The following WBP4 variants were observed in gnomAD, a reference collection of about 807,000 sequenced individuals.
WBP4 encodes the protein WW domain-binding protein 4.
In WBP4, 37 loss-of-function variants were observed where a neutral mutation model predicts 55.4. The ratio of observed to expected loss-of-function variants is 0.67; its 90% confidence interval spans 0.51 to 0.88. The LOEUF is 0.88. Among genes scored for constraint, WBP4 ranks in the 40% least tolerant of loss-of-function variants. The probability of loss-of-function intolerance (pLI) is 0.00; values close to 1 mark genes in which losing one functional copy is unlikely to be tolerated. For synonymous variants in WBP4, 142 were observed against 140.2 expected, an observed-to-expected ratio of 1.01 and a Z score of -0.09; for missense variants, 398 against 420.8, an observed-to-expected ratio of 0.95 and a Z score of 0.47.
intron 4 of WBP4, among the ~76,000 whole-genome samples, chr13:41,067,821 T>C (rs1238823101): frequency 6.6e-6 from 1 of 152,214 alleles, no homozygotes; most frequent in African/African-American, 2.4e-5. Flanking sequence ...ATTTGTCTTA[T>C]ATATGTTTTT....
chr13:41,069,501 A>G, intron 5 of WBP4, among the ~76,000 whole-genome samples: 1 of 152,250 alleles, frequency 6.6e-6, no homozygotes, highest in Non-Finnish European at 1.5e-5. Flanking sequence ...TCTCTACTGA[A>G]AAAACAAAAA....
intron 7 of WBP4, among the ~76,000 whole-genome samples, chr13:41,073,284 C>T (rs1425507061): frequency 6.6e-6 from 1 of 152,142 alleles, no homozygotes; most frequent in Non-Finnish European, 1.5e-5. Context: ...GAGGCCAAGA[C>T]AGGTGGATCA....
In WBP4 at chr13:41,061,532, G is replaced by A. The variant is rs1209510862; in HGVS notation, c.-142G>A. On this transcript the variant is annotated 5_prime_UTR_variant, in exon 1 of 10. Coordinates refer to ENST00000379487, the MANE Select transcript of WBP4 (RefSeq NM_007187.5). The stretch of plus-strand genomic sequence containing the variant: ...CCGTAGTTGGGAACAGCGGAACGCT[G>A]GTCCCGGGGACTGAGTAAGGTGTCT... The A allele has an allele frequency of 5.2e-6, 7 of 1,339,198 alleles. No individual in the cohort carries two copies. The Admixed American group carries it at 5.8e-5, about 11-fold the overall frequency. 83.0% of individuals were successfully genotyped at this position (1,339,198 alleles called of 1,614,324 possible). A position where few individuals can be genotyped will look rare whatever the true frequency, so the allele number is the denominator to read the frequency against.
In WBP4 at chr13:41,068,614, A is replaced by G; in HGVS notation, c.316A>G (p.Thr106Ala). 6.2e-7 allele frequency: 1 copy of G among 1,613,590 alleles called. No homozygotes were observed. Among genetic ancestry groups the G allele is most frequent in the Middle Eastern group, 1.7e-4 (1 of 6,058 alleles). Residue 106 changes from threonine (T) to alanine (A), a missense_variant, in exon 5 of 10, where the codon ACA becomes GCA. Physicochemically the swap from Thr to Ala is moderately conservative, Grantham distance 58. Coordinates refer to ENST00000379487, the MANE Select transcript of WBP4 (RefSeq NM_007187.5). ...PVTSTIPPTSTSNQQKEKKEK... is the reference protein window; with the variant it reads ...PVTSTIPPTSASNQQKEKKEK... Reference sequence around the variant, plus strand: ...AACCAGCACTATCCCACCTACCTCGACATCAAATCAACAGAAAGAAAAGAA... The same window carrying G: ...AACCAGCACTATCCCACCTACCTCGGCATCAAATCAACAGAAAGAAAAGAA...
chr13:41,071,785 G>T (rs1430027466), intron 6 of WBP4, among the ~76,000 whole-genome samples: 1 of 152,096 alleles, frequency 6.6e-6, no homozygotes, highest in Admixed American at 6.5e-5. Context: ...GCTCATGCCT[G>T]TAATCCCAGC....
intron 5 of WBP4, among the ~76,000 whole-genome samples, chr13:41,070,740 A>G (rs1284669562): frequency 1.3e-5 from 2 of 152,120 alleles, no homozygotes; most frequent in Non-Finnish European, 2.9e-5. Flanking sequence ...AGAAGTAAAG[A>G]AGGTGAGTGT....
intron 7 of WBP4, among the ~76,000 whole-genome samples, chr13:41,074,580 G>A (rs921314142): frequency 5.9e-5 from 9 of 152,196 alleles, no homozygotes; most frequent in Admixed American, 5.2e-4. Flanking sequence ...GACTGTGGGT[G>A]TTACTGAGCC....
At chr13:41,081,539 A>T (rs936019799) in intron 9 of WBP4, among the ~76,000 whole-genome samples, 2 of 151,054 alleles carry the variant, frequency 1.3e-5, no homozygotes, top group African/African-American at 4.9e-5. Flanking sequence ...CTAAATAGAT[A>T]AGCAAATATT....
intron 8 of WBP4, among the ~76,000 whole-genome samples, chr13:41,078,220 C>G (rs1179638936): frequency 6.6e-6 from 1 of 152,176 alleles, no homozygotes; most frequent in African/African-American, 2.4e-5. Flanking sequence ...GTGGAGGCAT[C>G]CCATTACTTG....
rs1376231030 is a variant in WBP4, at chr13:41,082,900, G to A, written c.1117G>A (p.Gly373Ser). 1.2e-6 allele frequency: 2 copies of A among 1,613,990 alleles called. No homozygotes were observed. Among genetic ancestry groups the A allele is most frequent in the South Asian group, 2.2e-5 (2 of 91,070 alleles). ...AAAATCTAGAAATTTAAGGCAACGA[G>A]GTGATGATCAATAGTTGCAGGAGAG... ...NGKSRNLRQR[G>S]DDQ The change falls in exon 10 of 10, where the codon GGT becomes AGT. Residue 373 changes from glycine to serine, a missense_variant. By Grantham distance (56) the Gly-to-Ser change is moderately conservative. Coordinates refer to ENST00000379487, the MANE Select transcript of WBP4 (RefSeq NM_007187.5).
At chr13:41,072,045 C>CAAAAAA (rs560903455) in intron 6 of WBP4, among the ~76,000 whole-genome samples, 1 of 50,796 alleles carries the variant, frequency 2.0e-5, no homozygotes. Context: ...GACTCCGTCT[C>CAAAAAA]AAAAAAAAAA....
In WBP4 at chr13:41,071,630, T is replaced by C. The variant is rs2138470934; in HGVS notation, c.486+57T>C. 2.0e-6 allele frequency: 3 copies of C among 1,499,124 alleles called. No individual in the cohort carries two copies. In the East Asian group the frequency reaches 6.9e-5, roughly 34 times the overall value. The allele number at this position is 1,499,124 out of a possible 1,614,324, so 92.9% of individuals were successfully genotyped here. Reference sequence around the variant, plus strand: ...TTATTCTTTACAGTGATTCGTTTCTTAGGTTTTTGTAGAGTTTTGCTAAGC... The same window carrying C: ...TTATTCTTTACAGTGATTCGTTTCTCAGGTTTTTGTAGAGTTTTGCTAAGC... On this transcript the variant is annotated intron_variant, in intron 6 of 9. Transcript: ENST00000379487.
At chr13:41,061,972 C>T (rs1275242158) in intron 1 of WBP4, 4 of 914,046 alleles carry the variant, frequency 4.4e-6, no homozygotes, top group Non-Finnish European at 5.2e-6. Context: ...CTCTACGACG[C>T]TGTCGGGGGT....
chr13:41,065,073 A>G lies in WBP4; in HGVS notation c.133A>G (p.Ser45Gly). ...NHKENVAKRI[S>G]EIKQKSLDKA... ...TAAGGAAAATGTGGCAAAAAGGATC[A>G]GTGAGGTAATTTAGATTGTTTATTT... Residue 45 changes from serine (S) to glycine (G), a missense_variant, in exon 3 of 10, where the codon AGT becomes GGT. Physicochemically the swap from Ser to Gly is moderately conservative, Grantham distance 56. Coordinates refer to ENST00000379487, the MANE Select transcript of WBP4 (RefSeq NM_007187.5). The G allele has an allele frequency of 1.2e-6, 2 of 1,600,420 alleles. No homozygotes were observed. The highest frequency in any genetic ancestry group is 1.1e-5 in the South Asian group (1 of 87,030).
intron 8 of WBP4, 62 bp from the exon 9 acceptor site, chr13:41,080,584 A>C: frequency 7.6e-7 from 1 of 1,318,570 alleles, no homozygotes; most frequent in East Asian, 2.4e-5. Flanking sequence ...AAAGCCTTAA[A>C]TTTTATTTTT....
Position 41,072,788 on chromosome 13 carries a change from G to C in WBP4, c.493G>C (p.Val165Leu), listed in dbSNP as rs752691810. 16 of 1,613,512 alleles carry C rather than the reference G, an allele frequency of 9.9e-6. No individual in the cohort carries two copies. The highest frequency in any genetic ancestry group is 3.3e-5 in the Admixed American group (2 of 59,924). ...GTTTTTTTCCTCCTATTAGACAGCAGTGAAGACCGTTTGGGTAGAAGGTTT... is the reference window on the plus strand; with the variant it reads ...GTTTTTTTCCTCCTATTAGACAGCACTGAAGACCGTTTGGGTAGAAGGTTT... ...GFQGDLKKTAVKTVWVEGLSE... is the reference protein window; with the variant it reads ...GFQGDLKKTALKTVWVEGLSE... The change falls in exon 7 of 10, where the codon GTG (valine) becomes CTG (leucine). Residue 165 changes from valine to leucine, a missense_variant. Physicochemically the swap from Val to Leu is conservative, Grantham distance 32. Transcript: ENST00000379487.
chr13:41,083,031 G>T lies in WBP4; in HGVS notation c.*117G>T. ...CTAAAAATTTAGATTTATTCTAAATGTATTTGATGTGAATTAAAATAAATA... is the reference window on the plus strand; with the variant it reads ...CTAAAAATTTAGATTTATTCTAAATTTATTTGATGTGAATTAAAATAAATA... On this transcript the variant is annotated 3_prime_UTR_variant, in exon 10 of 10. Coordinates refer to ENST00000379487, the MANE Select transcript of WBP4 (RefSeq NM_007187.5). 8 of 949,764 alleles carry T rather than the reference G, an allele frequency of 8.4e-6. No individual in the cohort carries two copies. Among genetic ancestry groups the T allele is most frequent in the African/African-American group, 1.7e-5 (1 of 59,936 alleles). 58.8% of individuals were successfully genotyped at this position (949,764 alleles called of 1,614,324 possible). A position where few individuals can be genotyped will look rare whatever the true frequency, so the allele number is the denominator to read the frequency against.
intron 8 of WBP4, among the ~76,000 whole-genome samples, chr13:41,079,353 T>A (rs1281491992): frequency 2.0e-5 from 3 of 151,928 alleles, no homozygotes; most frequent in African/African-American, 4.8e-5. Flanking sequence ...GGCAGATACT[T>A]GAGGTCAGGA....
Position 41,080,817 on chromosome 13 carries a change from C to T in WBP4, c.920+8C>T, listed in dbSNP as rs757344676. The T allele has an allele frequency of 6.9e-6, 11 of 1,599,918 alleles. No individual in the cohort carries two copies. The highest frequency in any genetic ancestry group is 9.3e-6 in the Non-Finnish European group (11 of 1,176,706). On this transcript the variant is annotated splice_region_variant and intron_variant, in intron 9 of 9. Transcript: ENST00000379487. ...ACAAGAGGTTGAGTCTCAGTAAGTA[C>T]CTGGAGCTTTAATCCCACTGTTATT...
Sources: gnomAD v4.1 joint callset for allele counts (sites outside exome capture counted in the v4.1 genomes callset) on GRCh38, gnomAD v4.1.1 for gene constraint, MANE v1.5 for transcripts, NCBI Gene and HGNC (gene_info 2026-07-23, HGNC 2026-07-21) for gene names.